ISOC2: variants seen among roughly 807,000 people sequenced by gnomAD.
ISOC2 encodes the protein isochorismatase domain-containing protein 2.
Under a neutral mutation model 19.3 loss-of-function variants are expected in ISOC2, and 15 were observed. That is an observed-to-expected ratio of 0.78 (90% confidence interval 0.52 to 1.20). The LOEUF (loss-of-function observed/expected upper bound fraction) is 1.20, where lower values mean the gene tolerates loss of function less well. Ranked by LOEUF, ISOC2 falls within the 50% of genes most tolerant of loss-of-function variation. ISOC2 has a pLI of 0.00. For missense variants in ISOC2, 285 were observed against 272.4 expected (o/e 1.05, Z -0.33); for synonymous variants, 106 against 115.8 (o/e 0.92, Z 0.54).
chr19:55,456,306 G>A (rs911102564), intron 2 of ISOC2, 43 bp downstream of exon 2: 3 of 1,522,896 alleles, frequency 2.0e-6, no homozygotes, highest in Non-Finnish European at 2.7e-6. Context: ...GTGGAGGGCT[G>A]AGCCTGGATC....
At chr19:55,458,371 C>G (rs1986131092) in intron 1 of ISOC2, among the ~76,000 whole-genome samples, 1 of 152,172 alleles carries the variant, frequency 6.6e-6, no homozygotes, top group African/African-American at 2.4e-5. Context: ...GTCTGCAGCT[C>G]TCTCCCCGTC....
chr19:55,453,638 T>C lies in ISOC2; in HGVS notation c.538-250A>G, dbSNP rs555962793. ...GGACCACTAAGGGTGGACAGCTCTG[T>C]GCTGGGGCTTCCTGTCTACACCTTC... On this transcript the variant is annotated intron_variant, in intron 5 of 5. Coordinates refer to ENST00000425675, the MANE Select transcript of ISOC2 (RefSeq NM_001136201.2). The C allele has an allele frequency of 2.5e-4, 84 of 335,016 alleles. No homozygotes were observed. The East Asian group carries it at 4.1e-3, about 16-fold the overall frequency. The allele number at this position is 335,016 out of a possible 1,614,324, so 20.8% of individuals were successfully genotyped here. A position where few individuals can be genotyped will look rare whatever the true frequency, so the allele number is the denominator to read the frequency against.
At chr19:55,460,900 T>A (rs1029020938) in intron 1 of ISOC2, among the ~76,000 whole-genome samples, 1 of 150,682 alleles carries the variant, frequency 6.6e-6, no homozygotes, top group Admixed American at 6.6e-5. Context: ...GCTGGGACGG[T>A]GGGGAAAGTC....
chr19:55,458,816 C>T (rs8107267), intron 1 of ISOC2, among the ~76,000 whole-genome samples: 2,452 of 152,088 alleles, frequency 0.016, 73 homozygotes, highest in African/African-American at 0.056. Flanking sequence ...TGTGAGCCAC[C>T]GCACCTGGCC....
Position 55,456,443 on chromosome 19 carries a change from G to A in ISOC2, c.44C>T (p.Ser15Phe). 1 of 1,613,778 alleles carries A rather than the reference G, an allele frequency of 6.2e-7. No homozygotes were observed. Among genetic ancestry groups the A allele is most frequent in the African/African-American group, 1.3e-5 (1 of 74,974 alleles). ...CATGTCACACAGGAACAGGACAGAG[G>A]ATCCTGGGAGGACTCGGCCCAGGCT... is the stretch of plus-strand genomic sequence containing the variant. ...RPSLGRVLPG[S>F]SVLFLCDMQE... The change falls in exon 2 of 6, where the codon TCC (serine) becomes TTC (phenylalanine). Residue 15 changes from serine (S) to phenylalanine (F), a missense_variant. Ser to Phe is a radical substitution (Grantham distance 155, BLOSUM62 -2). Coordinates refer to ENST00000425675, the MANE Select transcript of ISOC2 (RefSeq NM_001136201.2).
intron 1 of ISOC2, among the ~76,000 whole-genome samples, chr19:55,458,106 C>T (rs1177912143): frequency 6.6e-6 from 1 of 151,810 alleles, no homozygotes; most frequent in African/African-American, 2.4e-5. Flanking sequence ...AAAAAAAGGA[C>T]AGGCTGGTGA....
At position 55,455,004 on chromosome 19, in the gene ISOC2, GT is replaced by G; in HGVS notation, c.521del (p.His174ProfsTer?). On this transcript the variant is annotated frameshift_variant, in exon 5 of 6. Transcript: ENST00000425675. LOFTEE classifies it high-confidence loss of function. ...LILQLVGDAV[H>X]PQFKEIQKLI... ...CGGGCATTACCTCCTTGAACTGGGG[GT>G]GGACGGCATCGCCCACAAGCTGCAG... 1 of 1,613,098 alleles carries G rather than the reference GT, an allele frequency of 6.2e-7. No homozygotes were observed. Among genetic ancestry groups the G allele is most frequent in the Non-Finnish European group, 8.5e-7 (1 of 1,179,570 alleles).
At position 55,453,134 on chromosome 19, in the gene ISOC2, A is replaced by G. The variant is rs935994627; in HGVS notation, c.*174T>C. ...TTCCCACCCAGTTTCCAGGAGTCTC[A>G]TTTGCATTTCCGGGAGCAGCTGTCC... On this transcript the variant is annotated 3_prime_UTR_variant, in exon 6 of 6. Coordinates refer to ENST00000425675, the MANE Select transcript of ISOC2 (RefSeq NM_001136201.2). 4 of 524,498 alleles carry G rather than the reference A, an allele frequency of 7.6e-6. No individual in the cohort carries two copies. The highest frequency in any genetic ancestry group is 1.4e-5 in the Non-Finnish European group (4 of 294,236). The allele number at this position is 524,498 out of a possible 1,614,324, so 32.5% of individuals were successfully genotyped here.
chr19:55,456,035 C>A, intron 2 of ISOC2, 190 bp from the exon 3 acceptor site: 1 of 592,514 alleles, frequency 1.7e-6, no homozygotes, highest in Non-Finnish European at 3.0e-6. Flanking sequence ...GGAGGAGGAG[C>A]TGGGCCTGGA....
In ISOC2 at chr19:55,455,275, G is replaced by A. The variant is rs1412243154; in HGVS notation, c.404C>T (p.Ala135Val). The A allele has an allele frequency of 1.9e-6, 3 of 1,612,360 alleles. No individual in the cohort carries two copies. The highest frequency in any genetic ancestry group is 1.7e-6 in the Non-Finnish European group (2 of 1,179,192). Residue 135 changes from alanine to valine, a missense_variant, in exon 4 of 6, where the codon GCC becomes GTC. Ala to Val is a moderately conservative substitution (Grantham distance 64). Coordinates refer to ENST00000425675, the MANE Select transcript of ISOC2 (RefSeq NM_001136201.2). Reference sequence around the variant, plus strand: ...GCCCTCTCACCTGCGTGAGGAGCAGGCGTCCACCACCACATGGACCTGCAG... The same window carrying A: ...GCCCTCTCACCTGCGTGAGGAGCAGACGTCCACCACCACATGGACCTGCAG... Reference protein sequence around the residue: ...RGLQVHVVVDACSSRSQVDRL... With the variant: ...RGLQVHVVVDVCSSRSQVDRL...
At position 55,461,511 on chromosome 19, in the gene ISOC2, C is replaced by A. The variant is rs994986094; in HGVS notation, c.-4+1G>T. On this transcript the variant is annotated splice_donor_variant, in intron 1 of 5. Transcript: ENST00000425675. LOFTEE classifies it low-confidence loss of function (5UTR_SPLICE). Reference sequence around the variant, plus strand: ...AGCGCCAGCAGCGAGAGAGGACTTACCCGGAAGGTGCCGGGTTCGAGCCCG... The same window carrying A: ...AGCGCCAGCAGCGAGAGAGGACTTAACCGGAAGGTGCCGGGTTCGAGCCCG... 5 of 150,898 alleles carry A rather than the reference C, an allele frequency of 3.3e-5. No homozygotes were observed. The highest frequency in any genetic ancestry group is 3.9e-4 in the East Asian group (2 of 5,184). The allele number at this position is 150,898 out of a possible 1,614,324, so 9.3% of individuals were successfully genotyped here.
At position 55,453,379 on chromosome 19, in the gene ISOC2, G is replaced by A. The variant is rs1322371522; in HGVS notation, c.547C>T (p.Leu183Phe). The A allele has an allele frequency of 6.9e-6, 11 of 1,602,952 alleles. No individual in the cohort carries two copies. Among genetic ancestry groups the A allele is most frequent in the Non-Finnish European group, 9.4e-6 (11 of 1,175,290 alleles). ...CTGTCTGGGGCGGGCTCCTTGATGA[G>A]TTTCTGGATCTGTAAGGGCAGGGGG... is the stretch of plus-strand genomic sequence containing the variant. ...VHPQFKEIQK[L>F]IKEPAPDSGL... The change falls in exon 6 of 6, where the codon CTC (leucine) becomes TTC (phenylalanine). Residue 183 changes from leucine to phenylalanine, a missense_variant. Transcript: ENST00000425675.
chr19:55,455,572 G>A (rs1296658131), intron 3 of ISOC2, 64 bp downstream of exon 3: 3 of 1,372,634 alleles, frequency 2.2e-6, no homozygotes, highest in Non-Finnish European at 3.0e-6. Flanking sequence ...AGGGAAGGAG[G>A]TTCTATTTAG....
In ISOC2 at chr19:55,456,418, C is replaced by A. The variant is rs1555756190; in HGVS notation, c.69G>T (p.Met23Ile). The change falls in exon 2 of 6, where the codon ATG becomes ATT. Residue 23 changes from methionine (M) to isoleucine (I), a missense_variant. Met to Ile is a conservative substitution (Grantham distance 10). Transcript: ENST00000425675. The part of the protein sequence containing the change: ...PGSSVLFLCD[M>I]QEKFRHNIAY... ...CGATGTTGTGGCGGAACTTCTCCTG[C>A]ATGTCACACAGGAACAGGACAGAGG... is the stretch of plus-strand genomic sequence containing the variant. The A allele has an allele frequency of 6.2e-7, 1 of 1,613,850 alleles. No homozygotes were observed. Among genetic ancestry groups the A allele is most frequent in the Non-Finnish European group, 8.5e-7 (1 of 1,179,860 alleles).
intron 1 of ISOC2, chr19:55,456,946 TATCAGATCCCGGTTAC>T (rs1166870151): frequency 3.7e-5 from 6 of 161,306 alleles, no homozygotes; most frequent in African/African-American, 1.2e-4. Context: ...CCCCGGTTAC[TATCAGATCCCGGTTAC>T]ATCAGCCCCG....
chr19:55,458,889 C>G (rs1315758698), intron 1 of ISOC2, among the ~76,000 whole-genome samples: 2 of 151,770 alleles, frequency 1.3e-5, no homozygotes, highest in Non-Finnish European at 2.9e-5. Flanking sequence ...TTCTTTCTCT[C>G]TCTCGTCCTG....
intron 1 of ISOC2, among the ~76,000 whole-genome samples, chr19:55,458,515 A>G (rs1295402278): frequency 6.6e-6 from 1 of 150,776 alleles, no homozygotes; most frequent in Admixed American, 6.6e-5. Context: ...CTCAACAAGA[A>G]GCTGCTATTT....
chr19:55,455,157 A>G, intron 4 of ISOC2, 51 bp from the exon 5 acceptor site: 1 of 1,579,848 alleles, frequency 6.3e-7, no homozygotes, highest in Non-Finnish European at 8.7e-7. Flanking sequence ...CGCAGTCTGG[A>G]CACCCAGACA....
intron 5 of ISOC2, chr19:55,453,800 A>G (rs1163396922): frequency 1.9e-5 from 3 of 154,484 alleles, no homozygotes; most frequent in Non-Finnish European, 4.3e-5. Flanking sequence ...ACCGCATTTC[A>G]TCCATCAGCA....
Sources: allele counts gnomAD v4.1 joint callset (sites outside exome capture counted in the v4.1 genomes callset), GRCh38; gene constraint gnomAD v4.1.1; transcripts MANE v1.5; gene names NCBI Gene and HGNC (gene_info 2026-07-23, HGNC 2026-07-21).